Variants in LEMD2 observed in about 807,000 individuals in gnomAD.
LEMD2 encodes LEM domain nuclear envelope protein 2.
In LEMD2, 34 loss-of-function variants were observed where a neutral mutation model predicts 58.8. That is an observed-to-expected ratio of 0.58 (90% CI 0.44 to 0.77). The LOEUF (loss-of-function observed/expected upper bound fraction) is 0.77, where lower values mean the gene tolerates loss of function less well. Ranked by LOEUF, LEMD2 falls within the 30% of genes least tolerant of loss-of-function variation. LEMD2 has a pLI of 0.00. For synonymous variants in LEMD2, 298 were observed against 308.9 expected (o/e 0.96, Z 0.37); for missense variants, 629 against 717.9 (o/e 0.88, Z 1.42).
At chr6:33,777,353 C>T in intron 6 of LEMD2, 114 bp from the exon 7 acceptor site, 3 of 788,252 alleles carry the variant, frequency 3.8e-6, no homozygotes, top group Admixed American at 1.8e-5. Flanking sequence ...GGTTTGGGTA[C>T]CTACTATGTG....
chr6:33,786,838 G>A (rs1351892976), intron 1 of LEMD2, 64 bp from the exon 2 acceptor site: 2 of 1,603,156 alleles, frequency 1.2e-6, no homozygotes, highest in African/African-American at 2.7e-5. Flanking sequence ...TACAAAAAGA[G>A]ACTACTCACA....
Position 33,780,145 on chromosome 6 carries a change from G to T in LEMD2, c.965C>A (p.Ala322Asp). The stretch of plus-strand genomic sequence containing the variant: ...ACTGCTCAGTATCCAGGTCAGTGCG[G>T]CTTCAAACTTGGCGGAGGAGCTGCT... Reference protein sequence around the residue: ...VTSSSSAKFEAALTWILSSNK... With the variant: ...VTSSSSAKFEDALTWILSSNK... The change falls in exon 5 of 9, where the codon GCC becomes GAC. Residue 322 changes from alanine to aspartate, a missense_variant. This residue lies in a region of LEMD2 where 243 missense variants were observed against 336.8 expected (regional missense o/e 0.72). Coordinates refer to ENST00000293760, the MANE Select transcript of LEMD2 (RefSeq NM_181336.4). The T allele has an allele frequency of 6.3e-7, 1 of 1,597,262 alleles. No individual in the cohort carries two copies. Among genetic ancestry groups the T allele is most frequent in the Non-Finnish European group, 8.5e-7 (1 of 1,171,000 alleles).
chr6:33,780,275 C>T, intron 4 of LEMD2, 96 bp from the exon 5 acceptor site: 1 of 1,053,694 alleles, frequency 9.5e-7, no homozygotes, highest in Non-Finnish European at 1.4e-6. Flanking sequence ...CTCCCGTGTC[C>T]TCCACAGCCC....
At chr6:33,785,944 T>C (rs1256868678) in intron 2 of LEMD2, among the ~76,000 whole-genome samples, 1 of 152,352 alleles carries the variant, frequency 6.6e-6, no homozygotes, top group African/African-American at 2.4e-5. Flanking sequence ...AGACAGTCAA[T>C]GCAGGGCTGG....
chr6:33,788,869 G>C lies in LEMD2; in HGVS notation c.248C>G (p.Pro83Arg), dbSNP rs1336992954. The C allele has an allele frequency of 7.3e-7, 1 of 1,377,048 alleles. No homozygotes were observed. The highest frequency in any genetic ancestry group is 9.3e-7 in the Non-Finnish European group (1 of 1,073,506). 85.3% of individuals were successfully genotyped at this position (1,377,048 alleles called of 1,614,324 possible). Residue 83 changes from proline (P) to arginine (R), a missense_variant, in exon 1 of 9, where the codon CCG becomes CGG. Transcript: ENST00000293760. Reference protein sequence around the residue: ...PLRARPAAASPRAEPWLSQPA... With the variant: ...PLRARPAAASRRAEPWLSQPA... The stretch of plus-strand genomic sequence containing the variant: ...CTGGGAGAGCCAGGGCTCCGCCCGC[G>C]GAGAGGCCGCGGCGGGCCGGGCGCG...
At chr6:33,783,073 T>C (rs1209651598) in intron 3 of LEMD2, among the ~76,000 whole-genome samples, 1 of 152,218 alleles carries the variant, frequency 6.6e-6, no homozygotes, top group Non-Finnish European at 1.5e-5. Context: ...AGATACAGAC[T>C]CTGATTCACT....
intron 8 of LEMD2, among the ~76,000 whole-genome samples, chr6:33,776,034 TTC>T: frequency 6.6e-6 from 1 of 152,044 alleles, no homozygotes; most frequent in Middle Eastern, 3.4e-3. Flanking sequence ...CCCACCCTGG[TTC>T]TGTCAGGACC....
At chr6:33,776,904 G>T (rs1302557031) in intron 8 of LEMD2, 50 bp downstream of exon 8, 7 of 1,459,562 alleles carry the variant, frequency 4.8e-6, no homozygotes, top group Non-Finnish European at 6.7e-6. Context: ...GAGCTCAGTG[G>T]GGTCGGACCC....
rs191745629 is a variant in LEMD2 at position 33,786,207 on chromosome 6, C to T, written c.777+527G>A. On this transcript the variant is annotated intron_variant, in intron 2 of 8. Transcript: ENST00000293760. ...TGATTCATAAATGGATGGGGCTGCT[C>T]GCCATATTAGAGCTTCATAAAACAA... 7.9e-3 allele frequency among the ~76,000 whole-genome samples: 403 copies of T among 51,246 alleles called. 1 individual carries two copies. The highest frequency in any genetic ancestry group is 0.018 in the African/African-American group (386 of 21,160). 33.6% of individuals were successfully genotyped at this position (51,246 alleles called of 152,430 possible). A position where few individuals can be genotyped will look rare whatever the true frequency, so the allele number is the denominator to read the frequency against.
At position 33,778,468 on chromosome 6, in the gene LEMD2, G is replaced by A. The variant is rs1372419698; in HGVS notation, c.1011-81C>T. On this transcript the variant is annotated intron_variant, in intron 5 of 8. Transcript: ENST00000293760. This position sits in a 1 kb window ranked among gnomAD's most constrained non-coding sequence, Gnocchi z 4.7. Reference sequence around the variant, plus strand: ...CAAGCCCCACTTCAAACAGGAGGAAGCGAAGGAAAGTGGGGACGCAAGGCC... The same window carrying A: ...CAAGCCCCACTTCAAACAGGAGGAAACGAAGGAAAGTGGGGACGCAAGGCC... The A allele has an allele frequency of 1.4e-5, 17 of 1,224,856 alleles. No homozygotes were observed. The Admixed American group carries it at 3.1e-4, about 22-fold the overall frequency. The allele number at this position is 1,224,856 out of a possible 1,614,324, so 75.9% of individuals were successfully genotyped here. A position where few individuals can be genotyped will look rare whatever the true frequency, so the allele number is the denominator to read the frequency against.
At chr6:33,783,895 C>A (rs1221514435) in intron 3 of LEMD2, among the ~76,000 whole-genome samples, 3 of 152,214 alleles carry the variant, frequency 2.0e-5, no homozygotes, top group Non-Finnish European at 4.4e-5. Flanking sequence ...GATGTGACAC[C>A]AGGGCCCACT....
chr6:33,785,594 G>A (rs1417073223), intron 2 of LEMD2, among the ~76,000 whole-genome samples: 1 of 152,152 alleles, frequency 6.6e-6, no homozygotes, highest in East Asian at 1.9e-4. Context: ...AGAAACCATG[G>A]AACTTTTTTC....
chr6:33,780,025 G>A, intron 5 of LEMD2, 75 bp downstream of exon 5: 2 of 1,271,106 alleles, frequency 1.6e-6, no homozygotes, highest in South Asian at 1.3e-5. Context: ...CTCTGTTGGA[G>A]CACGGGTGTT....
chr6:33,782,309 A>G (rs943476), intron 3 of LEMD2: 118,747 of 152,268 alleles, frequency 0.78, 46,612 homozygotes, highest in East Asian at 0.95. Flanking sequence ...TGCCGCATTC[A>G]CCTTCCTGGC....
Position 33,777,184 on chromosome 6 carries a change from T to C in LEMD2, c.1212A>G (p.Leu404=). ...LILLKYRWRK[L]EEEEQAMYEM... ...CATACATGGCTTGTTCCTCCTCTTC[T>C]AACTTTCGCCACCGATATTTTAGGA... The change falls in exon 7 of 9, where the codon TTA becomes TTG. Residue 404 remains leucine, a synonymous_variant. Transcript: ENST00000293760. 1 of 1,614,162 alleles carries C rather than the reference T, an allele frequency of 6.2e-7. No homozygotes were observed. The highest frequency in any genetic ancestry group is 1.1e-5 in the South Asian group (1 of 91,072).
rs192571163 is a variant in LEMD2, at chr6:33,778,453, T to C, written c.1011-66A>G. ...CAAGGAGAGGCAGTGCAAGCCCCAC[T>C]TCAAACAGGAGGAAGCGAAGGAAAG... On this transcript the variant is annotated intron_variant, in intron 5 of 8. Coordinates refer to ENST00000293760, the MANE Select transcript of LEMD2 (RefSeq NM_181336.4). The surrounding 1 kb of genome is among the most constrained non-coding windows in gnomAD (Gnocchi z 4.7). 4.5e-4 allele frequency: 592 copies of C among 1,327,458 alleles called. 2 individuals are homozygous for C. In the African/African-American group the frequency reaches 7.4e-3, roughly 17 times the overall value. 82.2% of individuals were successfully genotyped at this position (1,327,458 alleles called of 1,614,324 possible). A position where few individuals can be genotyped will look rare whatever the true frequency, so the allele number is the denominator to read the frequency against.
chr6:33,772,486 G>T lies in LEMD2; in HGVS notation c.*142C>A. 2.6e-6 allele frequency: 2 copies of T among 763,536 alleles called. No individual in the cohort carries two copies. The highest frequency in any genetic ancestry group is 2.1e-6 in the Non-Finnish European group (1 of 475,220). 47.3% of individuals were successfully genotyped at this position (763,536 alleles called of 1,614,324 possible). A position where few individuals can be genotyped will look rare whatever the true frequency, so the allele number is the denominator to read the frequency against. On this transcript the variant is annotated 3_prime_UTR_variant, in exon 9 of 9. Transcript: ENST00000293760. Reference sequence around the variant, plus strand: ...GAGCCGAACTCCTCTGAAGAGTATGGCAGACCTTTGGAATCGTGTCAGGAC... The same window carrying T: ...GAGCCGAACTCCTCTGAAGAGTATGTCAGACCTTTGGAATCGTGTCAGGAC...
intron 5 of LEMD2, chr6:33,779,334 C>T (rs1221508689): frequency 1.3e-5 from 2 of 151,732 alleles, no homozygotes; most frequent in Admixed American, 6.6e-5. Flanking sequence ...TGGAGCTGCC[C>T]GAGGGGCTTC....
chr6:33,784,250 A>T, intron 3 of LEMD2, 102 bp downstream of exon 3: 1 of 898,908 alleles, frequency 1.1e-6, no homozygotes, highest in Non-Finnish European at 1.9e-6. Flanking sequence ...ACAACCAGGG[A>T]GTGTCTCGCT....
Sources: gnomAD v4.1 joint callset for allele counts (sites outside exome capture counted in the v4.1 genomes callset) on GRCh38, gnomAD v4.1.1 for gene constraint, gnomAD v4.1.1 regional missense constraint, Gnocchi (gnomAD v3.1) non-coding constraint, MANE v1.5 for transcripts, NCBI Gene and HGNC (gene_info 2026-07-23, HGNC 2026-07-21) for gene names.